Variants in TNIP2 observed in about 807,000 individuals in gnomAD.
TNIP2 encodes TNFAIP3-interacting protein 2.
TNIP2 carries 30 observed loss-of-function variants against 43.7 expected under a neutral mutation model. That is an observed-to-expected ratio of 0.69 (90% CI 0.51 to 0.93). TNIP2 has a LOEUF of 0.93. TNIP2 is among the 40% of genes least tolerant of loss of function. The pLI is 0.00. For missense variants in TNIP2, 599 were observed against 591.0 expected (o/e 1.01, Z -0.14); for synonymous variants, 260 against 254.6 (o/e 1.02, Z -0.20).
chr4:2,744,929 G>A lies in TNIP2; in HGVS notation c.674C>T (p.Ala225Val), dbSNP rs1186135723. ...QKVTHVEDLN[A>V]KWQRYNASRD... ...GCTGGCGTTGTAGCGCTGCCACTTG[G>A]CATTGAGGTCTTCAACCTGAAGAGG... Residue 225 changes from alanine (A) to valine (V), a missense_variant, in exon 4 of 6, where the codon GCC (alanine) becomes GTC (valine). By Grantham distance (64) the Ala-to-Val change is moderately conservative. Transcript: ENST00000315423. This position sits in a 1 kb window ranked among gnomAD's most constrained non-coding sequence, Gnocchi z 5.1. 2 of 1,605,412 alleles carry A rather than the reference G, an allele frequency of 1.2e-6. No individual in the cohort carries two copies. Among genetic ancestry groups the A allele is most frequent in the Non-Finnish European group, 1.7e-6 (2 of 1,173,212 alleles).
At position 2,742,222 on chromosome 4, in the gene TNIP2, G is replaced by A; in HGVS notation, c.*35C>T. 7.0e-7 allele frequency: 1 copy of A among 1,436,176 alleles called. No individual in the cohort carries two copies. Among genetic ancestry groups the A allele is most frequent in the Non-Finnish European group, 9.2e-7 (1 of 1,089,352 alleles). The allele number at this position is 1,436,176 out of a possible 1,614,324, so 89.0% of individuals were successfully genotyped here. ...CCTGTCCCTGAGGGCAGCTGCACCG[G>A]GCCAGGAGGCCGCAAGGGCACGGGT... On this transcript the variant is annotated 3_prime_UTR_variant, in exon 6 of 6. Coordinates refer to ENST00000315423, the MANE Select transcript of TNIP2 (RefSeq NM_024309.4).
At chr4:2,754,847 TC>T (rs779155300) in intron 1 of TNIP2, among the ~76,000 whole-genome samples, 1 of 152,220 alleles carries the variant, frequency 6.6e-6, no homozygotes, top group Non-Finnish European at 1.5e-5. Flanking sequence ...CACCTAAGTC[TC>T]CCTAGTGGCT....
chr4:2,748,179 A>ATTT (rs999653728), intron 1 of TNIP2, among the ~76,000 whole-genome samples: 1 of 145,246 alleles, frequency 6.9e-6, no homozygotes, highest in Non-Finnish European at 1.5e-5. Flanking sequence ...TTCATCTCAA[A>ATTT]TTTTTTTTTT....
Position 2,744,786 on chromosome 4 carries a change from T to A in TNIP2, c.817A>T (p.Asn273Tyr), listed in dbSNP as rs975959358. 5 of 1,612,666 alleles carry A rather than the reference T, an allele frequency of 3.1e-6. No individual in the cohort carries two copies. The Middle Eastern group carries it at 8.2e-4, about 266-fold the overall frequency. ...RLNRQLEEKI[N>Y]DCAEVKQELA... ...TCCTGCTTCACTTCGGCACAGTCAT[T>A]TATTTTCTCTTCCAACTGTCTGTTG... Residue 273 changes from asparagine (N) to tyrosine (Y), a missense_variant, in exon 4 of 6, where the codon AAT (asparagine) becomes TAT (tyrosine). Coordinates refer to ENST00000315423, the MANE Select transcript of TNIP2 (RefSeq NM_024309.4). This position sits in a 1 kb window ranked among gnomAD's most constrained non-coding sequence, Gnocchi z 5.1.
At chr4:2,754,337 TGTG>T (rs1489777735) in intron 1 of TNIP2, among the ~76,000 whole-genome samples, 2 of 152,286 alleles carry the variant, frequency 1.3e-5, no homozygotes, top group Non-Finnish European at 2.9e-5. Context: ...ATACTGCTGT[TGTG>T]GTGTTATAGT....
At chr4:2,748,785 C>T (rs1254002828) in intron 1 of TNIP2, among the ~76,000 whole-genome samples, 3 of 144,130 alleles carry the variant, frequency 2.1e-5, no homozygotes, top group South Asian at 2.2e-4. Flanking sequence ...TGAGCCACTG[C>T]GCCCAGCAAT....
intron 1 of TNIP2, among the ~76,000 whole-genome samples, chr4:2,752,669 C>G (rs231176): frequency 1.1e-4 from 16 of 152,214 alleles, no homozygotes; most frequent in Non-Finnish European, 1.8e-4. Context: ...CAGGAGGTGA[C>G]AAACCTCTCC....
chr4:2,756,284 G>C lies in TNIP2; in HGVS notation c.6C>G (p.Ser2=), dbSNP rs868505880. The C allele has an allele frequency of 1.4e-6, 2 of 1,389,266 alleles. No individual in the cohort carries two copies. Among genetic ancestry groups the C allele is most frequent in the Non-Finnish European group, 1.9e-6 (2 of 1,075,234 alleles). The allele number at this position is 1,389,266 out of a possible 1,614,324, so 86.1% of individuals were successfully genotyped here. A position where few individuals can be genotyped will look rare whatever the true frequency, so the allele number is the denominator to read the frequency against. Residue 2 remains serine (S), a synonymous_variant, in exon 1 of 6, where the codon TCC becomes TCG. Transcript: ENST00000315423. M[S]RDPGSGGWEE... is the part of the protein sequence containing the mutation. The stretch of plus-strand genomic sequence containing the variant: ...CCCAGCCGCCCGACCCCGGGTCCCG[G>C]GACATGGCTGTAGGCCCGCCCGGGA...
At chr4:2,754,485 C>T (rs995944194) in intron 1 of TNIP2, among the ~76,000 whole-genome samples, 2 of 152,182 alleles carry the variant, frequency 1.3e-5, no homozygotes, top group African/African-American at 2.4e-5. Flanking sequence ...GGCACAATCT[C>T]GGCTCACTGC....
In TNIP2 at chr4:2,747,381, A is replaced by T. The variant is rs139992529; in HGVS notation, c.567+274T>A. 287 of 423,596 alleles carry T rather than the reference A, an allele frequency of 6.8e-4. 2 individuals are homozygous for T. The highest frequency in any genetic ancestry group is 5.1e-3 in the African/African-American group (261 of 51,080). 26.2% of individuals were successfully genotyped at this position (423,596 alleles called of 1,614,324 possible). On this transcript the variant is annotated intron_variant, in intron 2 of 5. Coordinates refer to ENST00000315423, the MANE Select transcript of TNIP2 (RefSeq NM_024309.4). ...TCCTCATCCTCAGCTGAGGCAGATG[A>T]AAGCCAAGTGCCATCTCCCACCTGG...
In TNIP2 at chr4:2,742,212, A is replaced by G; in HGVS notation, c.*45T>C. ...GAGCACCCACCCTGTCCCTGAGGGCAGCTGCACCGGGCCAGGAGGCCGCAA... is the reference window on the plus strand; with the variant it reads ...GAGCACCCACCCTGTCCCTGAGGGCGGCTGCACCGGGCCAGGAGGCCGCAA... On this transcript the variant is annotated 3_prime_UTR_variant, in exon 6 of 6. Transcript: ENST00000315423. 1 of 1,418,268 alleles carries G rather than the reference A, an allele frequency of 7.1e-7. No individual in the cohort carries two copies. The allele number at this position is 1,418,268 out of a possible 1,614,324, so 87.9% of individuals were successfully genotyped here.
Position 2,753,576 on chromosome 4 carries a change from G to A in TNIP2, c.276+2438C>T, listed in dbSNP as rs369372342. 3.6e-4 allele frequency among the ~76,000 whole-genome samples: 55 copies of A among 152,352 alleles called. 1 individual carries two copies. The East Asian group carries it at 9.0e-3, about 25-fold the overall frequency. ...ACCAGGAAGCTGCAATAAGCTGCTT[G>A]GTGAGTGGCCAGATACACAGGACAC... On this transcript the variant is annotated intron_variant, in intron 1 of 5. Transcript: ENST00000315423.
At chr4:2,748,730 A>C (rs927619271) in intron 1 of TNIP2, among the ~76,000 whole-genome samples, 2 of 133,828 alleles carry the variant, frequency 1.5e-5, no homozygotes, top group African/African-American at 6.6e-5. Context: ...CTGACCTTAG[A>C]TGATCCGCCA....
At position 2,742,577 on chromosome 4, in the gene TNIP2, G is replaced by A. The variant is rs1476130093; in HGVS notation, c.1027-57C>T. 1.7e-5 allele frequency: 25 copies of A among 1,443,030 alleles called. No homozygotes were observed. In the South Asian group the frequency reaches 3.0e-4, roughly 17 times the overall value. The allele number at this position is 1,443,030 out of a possible 1,614,324, so 89.4% of individuals were successfully genotyped here. On this transcript the variant is annotated intron_variant, in intron 5 of 5. Coordinates refer to ENST00000315423, the MANE Select transcript of TNIP2 (RefSeq NM_024309.4). ...GCTGTGCTGACGGTCACAAAGCCAGGTCTCAGGTTCCAGCAACCAGAGGCA... is the reference window on the plus strand; with the variant it reads ...GCTGTGCTGACGGTCACAAAGCCAGATCTCAGGTTCCAGCAACCAGAGGCA...
At chr4:2,755,536 GC>G (rs1343846512) in intron 1 of TNIP2, among the ~76,000 whole-genome samples, 1 of 125,706 alleles carries the variant, frequency 8.0e-6, no homozygotes, top group Non-Finnish European at 1.7e-5. Flanking sequence ...AGGACCCAGA[GC>G]CCCCTCACCT....
intron 2 of TNIP2, 109 bp from the exon 3 acceptor site, chr4:2,745,644 G>A: frequency 2.7e-6 from 2 of 747,772 alleles, no homozygotes; most frequent in Non-Finnish European, 4.7e-6. Context: ...CCCCAGTGCA[G>A]CGGGTAGTGA....
chr4:2,751,770 A>C (rs954933694), intron 1 of TNIP2, among the ~76,000 whole-genome samples: 2 of 149,070 alleles, frequency 1.3e-5, no homozygotes, highest in African/African-American at 5.0e-5. Context: ...GACCCTGTCA[A>C]AAAGAGGGGA....
At chr4:2,746,165 A>G (rs1721942944) in intron 2 of TNIP2, 1 of 152,906 alleles carries the variant, frequency 6.5e-6, no homozygotes, top group South Asian at 2.1e-4. Flanking sequence ...ACCCCCACTA[A>G]CAACTACAGA....
At chr4:2,751,065 C>G (rs1035956057) in intron 1 of TNIP2, among the ~76,000 whole-genome samples, 2 of 152,236 alleles carry the variant, frequency 1.3e-5, no homozygotes, top group African/African-American at 4.8e-5. Flanking sequence ...AGGGCTGCCC[C>G]ACTCATCCTC....
Sources: gnomAD v4.1 joint callset for allele counts (sites outside exome capture counted in the v4.1 genomes callset) on GRCh38, gnomAD v4.1.1 for gene constraint, Gnocchi (gnomAD v3.1) non-coding constraint, MANE v1.5 for transcripts, NCBI Gene and HGNC (gene_info 2026-07-23, HGNC 2026-07-21) for gene names.